ENTREP2: variants seen among roughly 807,000 people sequenced by gnomAD.
ENTREP2 encodes the protein endosomal transmembrane epsin interactor 2.
chr15:29,534,379 G>T, the ENTREP2 span, among the ~76,000 whole-genome samples: 1 of 152,022 alleles, frequency 6.6e-6, no homozygotes, highest in Non-Finnish European at 1.5e-5. Flanking sequence ...GGGCTTCCAG[G>T]ATATTATACT....
chr15:29,443,699 G>T, the ENTREP2 span, among the ~76,000 whole-genome samples: 1 of 152,090 alleles, frequency 6.6e-6, no homozygotes, highest in Non-Finnish European at 1.5e-5. Flanking sequence ...TCTCCAAAGA[G>T]GGGTCTGAGA....
the ENTREP2 span, among the ~76,000 whole-genome samples, chr15:29,158,743 A>T: frequency 5.1e-3 from 783 of 152,172 alleles, 3 homozygotes; most frequent in Non-Finnish European, 6.0e-3. Context: ...CGGGTCTTTC[A>T]TTGCTGATAC....
chr15:29,552,920 A>G, the ENTREP2 span, among the ~76,000 whole-genome samples: 1 of 152,226 alleles, frequency 6.6e-6, no homozygotes, highest in South Asian at 2.1e-4. Flanking sequence ...CAGAACCTAC[A>G]TGAAGAAAAC....
the ENTREP2 span, among the ~76,000 whole-genome samples, chr15:29,306,664 ATTTTTTT>A: frequency 2.6e-5 from 2 of 77,276 alleles, no homozygotes; most frequent in African/African-American, 3.6e-5. Flanking sequence ...ATAATTGGTA[ATTTTTTT>A]TTTTTTTTTT....
chr15:29,127,341 C>A, the ENTREP2 span, among the ~76,000 whole-genome samples: 2 of 152,292 alleles, frequency 1.3e-5, no homozygotes, highest in Admixed American at 1.3e-4. Flanking sequence ...AGTGGAGTTG[C>A]CTGCATGGGG....
chr15:29,259,811 C>CATATATATAT, the ENTREP2 span, among the ~76,000 whole-genome samples: 47 of 149,432 alleles, frequency 3.1e-4, no homozygotes, highest in African/African-American at 1.1e-3. Context: ...ATCCCATTTA[C>CATATATATAT]ATATATATAT....
At chr15:29,220,253 T>C in the ENTREP2 span, among the ~76,000 whole-genome samples, 1 of 152,148 alleles carries the variant, frequency 6.6e-6, no homozygotes, top group South Asian at 2.1e-4. Flanking sequence ...AAGCCTGGCC[T>C]ACTAGTTTTC....
At chr15:29,505,841 G>A in the ENTREP2 span, among the ~76,000 whole-genome samples, 12 of 152,114 alleles carry the variant, frequency 7.9e-5, no homozygotes, top group Non-Finnish European at 1.2e-4. This position sits in a 1 kb window ranked among gnomAD's most constrained non-coding sequence, Gnocchi z 4.3. Flanking sequence ...CCAAAAACCA[G>A]AATGCCCCTT....
At chr15:29,433,792 A>C in the ENTREP2 span, among the ~76,000 whole-genome samples, 1 of 152,016 alleles carries the variant, frequency 6.6e-6, no homozygotes, top group Admixed American at 6.5e-5. Context: ...AAAAAAAAAA[A>C]AAAAAAACAG....
At chr15:29,594,886 GA>G in the ENTREP2 span, among the ~76,000 whole-genome samples, 1 of 151,314 alleles carries the variant, frequency 6.6e-6, no homozygotes, top group Non-Finnish European at 1.5e-5. Flanking sequence ...CTAACACGGT[GA>G]AACCCCGTCT....
At chr15:29,443,151 C>T in the ENTREP2 span, among the ~76,000 whole-genome samples, 1 of 152,236 alleles carries the variant, frequency 6.6e-6, no homozygotes. Flanking sequence ...GGTTCTGGCC[C>T]TTGGCCTCTA....
chr15:29,174,102 T>C, the ENTREP2 span, among the ~76,000 whole-genome samples: 1 of 152,324 alleles, frequency 6.6e-6, no homozygotes, highest in East Asian at 1.9e-4. Flanking sequence ...AGAGTACTTG[T>C]TATGATTGCA....
the ENTREP2 span, among the ~76,000 whole-genome samples, chr15:29,386,811 G>A: frequency 1.3e-5 from 2 of 152,184 alleles, 1 homozygote; most frequent in South Asian, 4.1e-4. Context: ...TCAGTTATTG[G>A]TGTATAAAAA....
chr15:29,606,238 CT>C, the ENTREP2 span, among the ~76,000 whole-genome samples: 29,428 of 140,112 alleles, frequency 0.21, 2,955 homozygotes, highest in Middle Eastern at 0.29. Flanking sequence ...TCTTTTCCTT[CT>C]TTTTTTTTTT....
the ENTREP2 span, among the ~76,000 whole-genome samples, chr15:29,442,338 T>C: frequency 6.6e-6 from 1 of 152,202 alleles, no homozygotes; most frequent in Non-Finnish European, 1.5e-5. Context: ...CTACTCTGAC[T>C]TGGGAAGACC....
chr15:29,298,132 CA>C, the ENTREP2 span, among the ~76,000 whole-genome samples: 2 of 151,986 alleles, frequency 1.3e-5, no homozygotes, highest in African/African-American at 4.8e-5. Context: ...CCTATGTTCA[CA>C]AATTAATATC....
At chr15:29,450,686 T>G in the ENTREP2 span, among the ~76,000 whole-genome samples, 111 of 152,296 alleles carry the variant, frequency 7.3e-4, no homozygotes, top group African/African-American at 2.4e-3. Flanking sequence ...GCAACACTAT[T>G]CACAATAGCA....
the ENTREP2 span, among the ~76,000 whole-genome samples, chr15:29,185,681 C>G: frequency 4.6e-5 from 7 of 152,168 alleles, no homozygotes; most frequent in Non-Finnish European, 8.8e-5. Flanking sequence ...CCTGCCTCAG[C>G]CTCCTGAGTA....
the ENTREP2 span, among the ~76,000 whole-genome samples, chr15:29,490,098 CG>C: frequency 6.6e-6 from 1 of 152,094 alleles, no homozygotes; most frequent in African/African-American, 2.4e-5. Context: ...TCTGTATGTG[CG>C]GAATTGGTGG....
Sources: gnomAD v4.1 joint callset for allele counts (sites outside exome capture counted in the v4.1 genomes callset) on GRCh38, gnomAD v4.1.1 for gene constraint, Gnocchi (gnomAD v3.1) non-coding constraint, MANE v1.5 for transcripts, NCBI Gene and HGNC (gene_info 2026-07-23, HGNC 2026-07-21) for gene names.